The following AK8 variants were observed in gnomAD, a reference collection of about 807,000 sequenced individuals.
AK8 encodes ATP-AMP transphosphorylase 8.
In AK8, 44 loss-of-function variants were observed where a neutral mutation model predicts 54.6. The observed-to-expected ratio is 0.81, with a 90% CI of 0.63 to 1.04. AK8 has a LOEUF of 1.04. Ranked by LOEUF, AK8 falls within the 50% of genes least tolerant of loss-of-function variation. The probability of loss-of-function intolerance (pLI) is 0.00; values close to 1 mark genes in which losing one functional copy is unlikely to be tolerated. For missense variants in AK8, 555 were observed against 613.6 expected (o/e 0.90, Z 1.01); for synonymous variants, 239 against 245.6 (o/e 0.97, Z 0.25).
At chr9:132,867,642 C>T (rs1172787168) in intron 2 of AK8, among the ~76,000 whole-genome samples, 1 of 152,208 alleles carries the variant, frequency 6.6e-6, no homozygotes, top group Non-Finnish European at 1.5e-5. Flanking sequence ...GTGGCAGGCC[C>T]AGGCCCTGGC....
intron 10 of AK8, among the ~76,000 whole-genome samples, chr9:132,796,376 A>G (rs544080756): frequency 1.3e-5 from 2 of 152,384 alleles, no homozygotes; most frequent in South Asian, 4.1e-4. Context: ...AGATTTCTAG[A>G]GAGAATTTCC....
chr9:132,750,409 G>A lies in AK8; in HGVS notation c.1122-22875C>T, dbSNP rs140994628. On this transcript the variant is annotated intron_variant, in intron 11 of 12. Coordinates refer to ENST00000298545, the MANE Select transcript of AK8 (RefSeq NM_152572.3). ...GCTGGGATTACAGGTGTGAGCCACC[G>A]CGCCCGGCTCCTCTTCATTTCTTCT... 6.0e-4 allele frequency among the ~76,000 whole-genome samples: 91 copies of A among 151,950 alleles called. No individual in the cohort carries two copies. In the East Asian group the frequency reaches 0.012, roughly 20 times the overall value.
At chr9:132,805,071 G>C (rs1018447761) in intron 10 of AK8, among the ~76,000 whole-genome samples, 5 of 152,216 alleles carry the variant, frequency 3.3e-5, no homozygotes, top group African/African-American at 1.2e-4. Context: ...GCTACACTGA[G>C]AGACCTCCCG....
chr9:132,835,173 A>G (rs1369682445), intron 5 of AK8, among the ~76,000 whole-genome samples: 3 of 152,136 alleles, frequency 2.0e-5, no homozygotes, highest in Non-Finnish European at 4.4e-5. Context: ...CCCGGCTTCA[A>G]GAGGGTTTTT....
chr9:132,854,399 G>GC (rs1388388735), intron 5 of AK8, among the ~76,000 whole-genome samples: 1 of 152,042 alleles, frequency 6.6e-6, no homozygotes, highest in Non-Finnish European at 1.5e-5. Flanking sequence ...CCCTCCTTGT[G>GC]CCCCAGGAGG....
intron 1 of AK8, among the ~76,000 whole-genome samples, chr9:132,877,238 G>A (rs1370687408): frequency 6.6e-6 from 1 of 152,162 alleles, no homozygotes; most frequent in Non-Finnish European, 1.5e-5. Context: ...GCAGTTTTAG[G>A]AATCTCTTGC....
intron 10 of AK8, among the ~76,000 whole-genome samples, chr9:132,805,366 T>C (rs562796362): frequency 2.0e-5 from 3 of 152,296 alleles, no homozygotes; most frequent in Admixed American, 2.0e-4. Flanking sequence ...TGTGCCCCTA[T>C]GGTGGCTCCA....
Position 132,803,671 on chromosome 9 carries a change from G to A in AK8, c.980-10896C>T, listed in dbSNP as rs1296297522. Reference sequence around the variant, plus strand: ...GCTTGCCCAGGAGCACAGCTGGGAGGAAGCAGAGTCTGAATGGGAACCAAG... The same window carrying A: ...GCTTGCCCAGGAGCACAGCTGGGAGAAAGCAGAGTCTGAATGGGAACCAAG... On this transcript the variant is annotated intron_variant, in intron 10 of 12. Transcript: ENST00000298545. The surrounding 1 kb of genome is among the most constrained non-coding windows in gnomAD (Gnocchi z 4.4). Among the ~76,000 whole-genome samples, 1 of 152,182 alleles carries A rather than the reference G, an allele frequency of 6.6e-6. No homozygotes were observed. The highest frequency in any genetic ancestry group is 1.9e-4 in the East Asian group (1 of 5,186).
chr9:132,810,754 G>A (rs560659457), intron 10 of AK8, among the ~76,000 whole-genome samples: 3 of 152,196 alleles, frequency 2.0e-5, no homozygotes, highest in East Asian at 1.9e-4. Flanking sequence ...CTTGGCGACC[G>A]TGACATCCCA....
intron 5 of AK8, among the ~76,000 whole-genome samples, chr9:132,838,064 T>C (rs1357203522): frequency 6.6e-6 from 1 of 152,198 alleles, no homozygotes; most frequent in East Asian, 1.9e-4. Context: ...AATCCTGTGT[T>C]CCTACTGTCA....
intron 11 of AK8, among the ~76,000 whole-genome samples, chr9:132,749,175 A>G (rs1434652065): frequency 6.6e-6 from 1 of 151,976 alleles, no homozygotes; most frequent in Non-Finnish European, 1.5e-5. Flanking sequence ...CGCCCAGTAA[A>G]TATTTACAAT....
intron 10 of AK8, 88 bp from the exon 11 acceptor site, chr9:132,792,863 C>T (rs1840006035): frequency 6.8e-7 from 1 of 1,459,884 alleles, no homozygotes; most frequent in South Asian, 1.4e-5. Context: ...ATAGATTGAG[C>T]TGCTGAAGAA....
At chr9:132,804,624 C>CTCT (rs1840631364) in intron 10 of AK8, among the ~76,000 whole-genome samples, 1 of 152,154 alleles carries the variant, frequency 6.6e-6, no homozygotes, top group African/African-American at 2.4e-5. Context: ...CTCGCCTCTC[C>CTCT]CCCTCCCGTG....
At chr9:132,855,774 G>T (rs555608210) in intron 4 of AK8, among the ~76,000 whole-genome samples, 1 of 152,102 alleles carries the variant, frequency 6.6e-6, no homozygotes, top group South Asian at 2.1e-4. Flanking sequence ...TTTGCTTTTT[G>T]TAACAACTCT....
At chr9:132,782,409 G>A (rs1839515456) in intron 11 of AK8, among the ~76,000 whole-genome samples, 1 of 152,130 alleles carries the variant, frequency 6.6e-6, no homozygotes, top group South Asian at 2.1e-4. Context: ...AGCTATGCAG[G>A]CTGGGAGCAG....
At chr9:132,820,642 T>C (rs1260284910) in intron 9 of AK8, among the ~76,000 whole-genome samples, 1 of 152,254 alleles carries the variant, frequency 6.6e-6, no homozygotes, top group East Asian at 1.9e-4. Context: ...ACAGTGGCTT[T>C]CGCCTTTCAG....
At position 132,826,878 on chromosome 9, in the gene AK8, G is replaced by A; in HGVS notation, c.733C>T (p.Pro245Ser). 6.2e-7 allele frequency: 1 copy of A among 1,614,250 alleles called. No individual in the cohort carries two copies. Among genetic ancestry groups the A allele is most frequent in the Non-Finnish European group, 8.5e-7 (1 of 1,180,048 alleles). ...KILKVISADQPCVDVFYQALT... is the reference protein window; with the variant it reads ...KILKVISADQSCVDVFYQALT... ...CCCTGGTAGAAGACGTCCACACATG[G>A]CTGGTCAGCACTGATGACTTTGAGG... The change falls in exon 8 of 13, where the codon CCA becomes TCA. Residue 245 changes from proline to serine, a missense_variant. Transcript: ENST00000298545. This position sits in a 1 kb window ranked among gnomAD's most constrained non-coding sequence, Gnocchi z 4.5.
intron 11 of AK8, among the ~76,000 whole-genome samples, chr9:132,774,254 C>A (rs1286546566): frequency 6.6e-6 from 1 of 152,076 alleles, no homozygotes; most frequent in East Asian, 1.9e-4. Context: ...TCTGACCCTC[C>A]TGCTCATGGG....
At chr9:132,861,530 A>G (rs1014110179) in intron 4 of AK8, 1 of 152,242 alleles carries the variant, frequency 6.6e-6, no homozygotes, top group Non-Finnish European at 1.5e-5. Context: ...TGACTCTCCC[A>G]CAGCACTGCA....
Sources: gnomAD v4.1 joint callset for allele counts (sites outside exome capture counted in the v4.1 genomes callset) on GRCh38, gnomAD v4.1.1 for gene constraint, Gnocchi (gnomAD v3.1) non-coding constraint, MANE v1.5 for transcripts, NCBI Gene and HGNC (gene_info 2026-07-23, HGNC 2026-07-21) for gene names.